Variants in DNAH14 observed in about 807,000 individuals in gnomAD.
The protein encoded by DNAH14 is axonemal beta dynein heavy chain 14.
DNAH14 carries 478 observed loss-of-function variants against 520.9 expected under a neutral mutation model. The ratio of observed to expected loss-of-function variants is 0.92; its 90% CI spans 0.85 to 0.99. The LOEUF is 0.99. Ranked by LOEUF, DNAH14 falls within the 50% of genes least tolerant of loss-of-function variation. The probability of loss-of-function intolerance (pLI) is 0.00; values close to 1 mark genes in which losing one functional copy is unlikely to be tolerated. For missense variants in DNAH14, 4,831 were observed against 5,234.5 expected, an observed-to-expected ratio of 0.92 and a Z score of 2.38; for synonymous variants, 1,581 against 1,757.2, an observed-to-expected ratio of 0.90 and a Z score of 2.51.
chr1:225,157,252 G>A (rs1319680487), intron 34 of DNAH14, among the ~76,000 whole-genome samples: 2 of 152,106 alleles, frequency 1.3e-5, no homozygotes, highest in Non-Finnish European at 2.9e-5. Flanking sequence ...AACATCTAGA[G>A]AATTAACATC....
chr1:225,359,969 T>C (rs993127996), intron 74 of DNAH14, among the ~76,000 whole-genome samples: 10 of 152,228 alleles, frequency 6.6e-5, no homozygotes, highest in African/African-American at 2.4e-4. Context: ...AAGCCCCACA[T>C]GCGTTAGCAT....
intron 23 of DNAH14, among the ~76,000 whole-genome samples, chr1:225,117,328 C>A (rs1281607418): frequency 6.6e-6 from 1 of 151,098 alleles, no homozygotes; most frequent in Non-Finnish European, 1.5e-5. Context: ...GTTGATAATA[C>A]CAAAATACAA....
chr1:225,240,331 A>T (rs952569342), intron 42 of DNAH14, among the ~76,000 whole-genome samples: 3 of 150,620 alleles, frequency 2.0e-5, no homozygotes, highest in African/African-American at 7.3e-5. Flanking sequence ...GTTAAATAAA[A>T]ACATATTAAA....
At chr1:224,997,978 G>A (rs1472523261) in intron 8 of DNAH14, among the ~76,000 whole-genome samples, 3 of 151,968 alleles carry the variant, frequency 2.0e-5, no homozygotes, top group African/African-American at 7.2e-5. Flanking sequence ...ATAGGTATAG[G>A]GCTACTGAGA....
At chr1:225,347,325 G>A (rs1419053770) in intron 71 of DNAH14, among the ~76,000 whole-genome samples, 2 of 152,162 alleles carry the variant, frequency 1.3e-5, no homozygotes, top group Non-Finnish European at 2.9e-5. Flanking sequence ...ACAGCATCCA[G>A]GCTATTGTAA....
intron 48 of DNAH14, 72 bp downstream of exon 48, chr1:225,265,441 T>A: frequency 7.9e-7 from 1 of 1,273,586 alleles, no homozygotes; most frequent in Non-Finnish European, 1.0e-6. Flanking sequence ...TAATTAATAC[T>A]AATCAGAAGA....
At chr1:224,994,744 GTTTC>G (rs2063285323) in intron 8 of DNAH14, among the ~76,000 whole-genome samples, 1 of 151,936 alleles carries the variant, frequency 6.6e-6, no homozygotes, top group African/African-American at 2.4e-5. Flanking sequence ...TAGATACTTT[GTTTC>G]TTTCTTGCTG....
chr1:225,239,966 T>G (rs2091870552), intron 42 of DNAH14, among the ~76,000 whole-genome samples: 1 of 152,178 alleles, frequency 6.6e-6, no homozygotes, highest in Non-Finnish European at 1.5e-5. Flanking sequence ...ACCATCACCA[T>G]AGAATTTCAT....
intron 2 of DNAH14, chr1:224,954,711 C>G (rs2060399396): frequency 3.7e-6 from 1 of 272,750 alleles, no homozygotes; most frequent in African/African-American, 2.2e-5. Flanking sequence ...CTAGACTCTC[C>G]ATGTAAATGT....
At chr1:225,357,978 T>C in intron 73 of DNAH14, 1 of 569,662 alleles carries the variant, frequency 1.8e-6, no homozygotes, top group South Asian at 2.6e-5. Context: ...TTATACTGTT[T>C]CCAAAATCTT....
At chr1:225,363,315 A>C (rs2095514332) in intron 75 of DNAH14, among the ~76,000 whole-genome samples, 1 of 152,200 alleles carries the variant, frequency 6.6e-6, no homozygotes, top group Non-Finnish European at 1.5e-5. Flanking sequence ...AATAGAATAA[A>C]AGTTTTGGCC....
chr1:225,364,845 C>G lies in DNAH14; in HGVS notation c.12041C>G (p.Ser4014Ter). ...CCTGAGTTTCGGCTATGGTTAAGCT[C>G]AAAATCATACAGTTCTTTTCCAATT... is the stretch of plus-strand genomic sequence containing the variant. Reference protein sequence around the residue: ...IDPEFRLWLSSKSYSSFPIPV... With the variant: ...IDPEFRLWLS The change falls in exon 76 of 86, where the codon TCA becomes TGA. Residue 4014 changes from serine to a stop codon, truncating the protein, a stop_gained. Coordinates refer to ENST00000682510, the MANE Select transcript of DNAH14 (RefSeq NM_001367479.1). LOFTEE classifies it high-confidence loss of function. 6.5e-7 allele frequency: 1 copy of G among 1,548,734 alleles called. No homozygotes were observed. Among genetic ancestry groups the G allele is most frequent in the South Asian group, 1.2e-5 (1 of 83,764 alleles).
intron 43 of DNAH14, among the ~76,000 whole-genome samples, chr1:225,242,955 A>T (rs182810804): frequency 6.6e-6 from 1 of 152,360 alleles, no homozygotes; most frequent in Admixed American, 6.5e-5. Flanking sequence ...TTGTTAAAAC[A>T]TCATTGTGTG....
chr1:225,398,568 G>C lies in DNAH14; in HGVS notation c.13540G>C (p.Glu4514Gln). The C allele has an allele frequency of 6.4e-7, 1 of 1,551,668 alleles. No homozygotes were observed. Among genetic ancestry groups the C allele is most frequent in the Non-Finnish European group, 8.7e-7 (1 of 1,146,974 alleles). The change falls in exon 85 of 86, where the codon GAG (glutamate) becomes CAG (glutamine). Residue 4514 changes from glutamate (E) to glutamine (Q), a missense_variant. By Grantham distance (29) the Glu-to-Gln change is conservative. Transcript: ENST00000682510. ...TGVYIFGLFI[E>Q]GARWNREQKI... The stretch of plus-strand genomic sequence containing the variant: ...AGTTTACATTTTTGGTTTATTCATC[G>C]AGGGGGCAAGATGGAATCGTGAACA...
Position 225,346,612 on chromosome 1 carries a change from T to C in DNAH14, c.11254T>C (p.Leu3752=), listed in dbSNP as rs116404408. 2.7e-4 allele frequency: 424 copies of C among 1,549,666 alleles called. No homozygotes were observed. The African/African-American group carries it at 5.3e-3, about 19-fold the overall frequency. ...GAACATCTTTTTATATTCTGGCATA[T>C]TGATAAATATTAAAAGTGCATTATC... ...EWNIFLYSGI[L]INIKSALSQS... Residue 3752 remains leucine (L), a synonymous_variant, in exon 71 of 86, where the codon TTG becomes CTG. Coordinates refer to ENST00000682510, the MANE Select transcript of DNAH14 (RefSeq NM_001367479.1).
chr1:225,011,687 C>G (rs1334924175), intron 10 of DNAH14, among the ~76,000 whole-genome samples: 2 of 150,740 alleles, frequency 1.3e-5, no homozygotes, highest in Non-Finnish European at 2.9e-5. Flanking sequence ...TATGTAATGC[C>G]CTTCTTTGTC....
At position 225,101,894 on chromosome 1, in the gene DNAH14, C is replaced by CT. The variant is rs58340205; in HGVS notation, c.3867+1022dup. Among the ~76,000 whole-genome samples, 793 of 144,418 alleles carry CT rather than the reference C, an allele frequency of 5.5e-3. 7 individuals carry two copies. The highest frequency in any genetic ancestry group is 0.018 in the African/African-American group (724 of 40,080). 94.7% of individuals were successfully genotyped at this position (144,418 alleles called of 152,430 possible). A position where few individuals can be genotyped will look rare whatever the true frequency, so the allele number is the denominator to read the frequency against. The stretch of plus-strand genomic sequence containing the variant: ...ATACCTAACAGTGGAATTGCTGAAT[C>CT]TTTTTTTTTTTTAATACTTTAAGTT... On this transcript the variant is annotated intron_variant, in intron 23 of 85. Transcript: ENST00000682510.
intron 43 of DNAH14, among the ~76,000 whole-genome samples, chr1:225,247,629 T>A (rs1053643918): frequency 6.6e-6 from 1 of 152,208 alleles, no homozygotes; most frequent in African/African-American, 2.4e-5. Context: ...TAAATCCTGA[T>A]ATTAAACACA....
chr1:225,172,741 T>A (rs2082851400), intron 36 of DNAH14, among the ~76,000 whole-genome samples: 1 of 152,198 alleles, frequency 6.6e-6, no homozygotes, highest in South Asian at 2.1e-4. Context: ...AGTGACTTTC[T>A]TCACAGAATT....
Sources: gnomAD v4.1 joint callset for allele counts (sites outside exome capture counted in the v4.1 genomes callset) on GRCh38, gnomAD v4.1.1 for gene constraint, MANE v1.5 for transcripts, NCBI Gene and HGNC (gene_info 2026-07-23, HGNC 2026-07-21) for gene names.